IQCM: variants seen among roughly 807,000 people sequenced by gnomAD.
IQCM encodes IQ motif containing M, also known as IQ domain-containing protein M.
Under a neutral mutation model 57.6 loss-of-function variants are expected in IQCM, and 45 were observed. The observed-to-expected ratio is 0.78, with a 90% confidence interval of 0.62 to 1.00. IQCM has a LOEUF of 1.00. Among genes scored for constraint, IQCM ranks in the 50% least tolerant of loss-of-function variants. IQCM has a pLI of 0.00. For missense variants in IQCM, 468 were observed against 511.6 expected, an observed-to-expected ratio of 0.91 and a Z score of 0.82; for synonymous variants, 148 against 158.9, an observed-to-expected ratio of 0.93 and a Z score of 0.51.
intron 13 of IQCM, among the ~76,000 whole-genome samples, chr4:149,419,859 G>A (rs1331856811): frequency 6.6e-6 from 1 of 152,032 alleles, no homozygotes; most frequent in East Asian, 1.9e-4. Context: ...CTCAAAAGAA[G>A]ACATTGACAT....
At chr4:149,598,864 G>A (rs1048512024) in intron 8 of IQCM, among the ~76,000 whole-genome samples, 46 of 152,156 alleles carry the variant, frequency 3.0e-4, no homozygotes, top group Admixed American at 7.2e-4. Context: ...GCCATTCCAT[G>A]GTTAGGGATT....
At chr4:149,614,922 A>T (rs371228555) in intron 8 of IQCM, among the ~76,000 whole-genome samples, 1 of 152,202 alleles carries the variant, frequency 6.6e-6, no homozygotes, top group African/African-American at 2.4e-5. Flanking sequence ...GCAACATAGT[A>T]TGTTAGCCAC....
chr4:149,810,184 A>T (rs1774430968), intron 2 of IQCM, among the ~76,000 whole-genome samples: 1 of 151,910 alleles, frequency 6.6e-6, no homozygotes, highest in Non-Finnish European at 1.5e-5. Flanking sequence ...CAGGAGTTCG[A>T]GACCAGCCTG....
At chr4:149,512,241 G>A (rs1054642739) in intron 12 of IQCM, among the ~76,000 whole-genome samples, 2 of 152,080 alleles carry the variant, frequency 1.3e-5, no homozygotes, top group African/African-American at 2.4e-5. Flanking sequence ...GAAAGCTTAA[G>A]TAAGTAGTTT....
chr4:149,733,579 T>C, intron 4 of IQCM, 71 bp from the exon 5 acceptor site: 1 of 771,044 alleles, frequency 1.3e-6, no homozygotes, highest in Admixed American at 4.3e-5. Flanking sequence ...AAGTTATATA[T>C]TTTATTAATA....
intron 6 of IQCM, 74 bp downstream of exon 6, chr4:149,686,304 G>A (rs1762543787): frequency 1.6e-6 from 1 of 639,366 alleles, no homozygotes. Flanking sequence ...GAGAGACCAT[G>A]ACAATTGGTC....
chr4:149,500,663 T>G (rs1743144636), intron 12 of IQCM, among the ~76,000 whole-genome samples: 2 of 152,068 alleles, frequency 1.3e-5, no homozygotes, highest in African/African-American at 4.8e-5. Flanking sequence ...CAAAAGAAAA[T>G]ACTGGGACAG....
intron 12 of IQCM, among the ~76,000 whole-genome samples, chr4:149,490,437 T>A (rs1046132815): frequency 4.0e-5 from 6 of 151,834 alleles, no homozygotes; most frequent in Admixed American, 6.6e-5. Context: ...ATTGCATGAG[T>A]TTTCATAAGA....
intron 12 of IQCM, among the ~76,000 whole-genome samples, chr4:149,526,451 T>G (rs1254896207): frequency 2.6e-5 from 4 of 152,030 alleles, no homozygotes; most frequent in Non-Finnish European, 5.9e-5. Flanking sequence ...TACAAAAATA[T>G]ATTATTTATA....
intron 13 of IQCM, among the ~76,000 whole-genome samples, chr4:149,368,854 A>G (rs561001151): frequency 0.018 from 789 of 44,550 alleles, 143 homozygotes; most frequent in African/African-American, 0.024. Context: ...ATATATATAC[A>G]TGTATATATA....
intron 2 of IQCM, among the ~76,000 whole-genome samples, chr4:149,766,575 G>A (rs1770080341): frequency 6.6e-6 from 1 of 151,926 alleles, no homozygotes; most frequent in African/African-American, 2.4e-5. Flanking sequence ...GTTTTGTATT[G>A]TCCCAAAGGC....
intron 13 of IQCM, among the ~76,000 whole-genome samples, chr4:149,399,827 C>T (rs1195821396): frequency 3.9e-5 from 6 of 152,050 alleles, no homozygotes; most frequent in Non-Finnish European, 1.5e-5. Context: ...ATGCAAAGTG[C>T]TTAGCACAGT....
chr4:149,508,919 T>C (rs568361817), intron 12 of IQCM, among the ~76,000 whole-genome samples: 2 of 152,302 alleles, frequency 1.3e-5, no homozygotes, highest in African/African-American at 4.8e-5. Context: ...GTTCTCATGA[T>C]AGTGAATAAG....
chr4:149,697,952 A>G (rs533385694), intron 5 of IQCM, among the ~76,000 whole-genome samples: 53 of 152,268 alleles, frequency 3.5e-4, no homozygotes, highest in Non-Finnish European at 7.1e-4. Context: ...ATAGCATTAT[A>G]AATCAGAAGC....
At chr4:149,809,665 C>T (rs1033205961) in intron 2 of IQCM, among the ~76,000 whole-genome samples, 1 of 152,142 alleles carries the variant, frequency 6.6e-6, no homozygotes, top group Admixed American at 6.5e-5. Flanking sequence ...TACAACTCCT[C>T]GACTGATCCT....
intron 13 of IQCM, among the ~76,000 whole-genome samples, chr4:149,397,635 TA>T (rs1283550678): frequency 6.6e-6 from 1 of 152,048 alleles, no homozygotes; most frequent in African/African-American, 2.4e-5. Context: ...CCTCCTTTAT[TA>T]ATTACTCAGT....
At chr4:149,714,376 C>T (rs1275219164) in intron 5 of IQCM, among the ~76,000 whole-genome samples, 2 of 152,212 alleles carry the variant, frequency 1.3e-5, no homozygotes, top group African/African-American at 2.4e-5. Context: ...ATCATAGTCT[C>T]ATGGCATTAA....
chr4:149,476,510 G>A (rs1740209831), intron 12 of IQCM, among the ~76,000 whole-genome samples: 1 of 152,144 alleles, frequency 6.6e-6, no homozygotes, highest in Non-Finnish European at 1.5e-5. Context: ...ATGGATTTCA[G>A]TGTGGTCACT....
At chr4:149,645,266 G>A (rs1219613217) in intron 7 of IQCM, among the ~76,000 whole-genome samples, 1 of 152,142 alleles carries the variant, frequency 6.6e-6, no homozygotes, top group Admixed American at 6.5e-5. Flanking sequence ...TTGATGAACA[G>A]AAGTTCTTAA....
Sources: gnomAD v4.1 joint callset for allele counts (sites outside exome capture counted in the v4.1 genomes callset) on GRCh38, gnomAD v4.1.1 for gene constraint, MANE v1.5 for transcripts, NCBI Gene and HGNC (gene_info 2026-07-23, HGNC 2026-07-21) for gene names.